Variants in FERRY3 observed in about 807,000 individuals in gnomAD.
FERRY3 encodes FERRY endosomal RAB5 effector complex subunit 3, also known as protein C12orf4.
the FERRY3 span, among the ~76,000 whole-genome samples, chr12:4,528,878 TG>T: frequency 6.7e-6 from 1 of 148,858 alleles, no homozygotes; most frequent in Non-Finnish European, 1.5e-5. Context: ...TTTACTCCTT[TG>T]GGACTATTAA....
the FERRY3 span, among the ~76,000 whole-genome samples, chr12:4,536,569 A>T: frequency 2.6e-5 from 4 of 152,230 alleles, no homozygotes; most frequent in Admixed American, 2.0e-4. Flanking sequence ...ACAAAGCTTA[A>T]GAAACCGTTG....
At chr12:4,505,618 G>C in the FERRY3 span, among the ~76,000 whole-genome samples, 1 of 152,190 alleles carries the variant, frequency 6.6e-6, no homozygotes, top group Non-Finnish European at 1.5e-5. Flanking sequence ...GGAGACAGAG[G>C]CTTGGATGGG....
the FERRY3 span, among the ~76,000 whole-genome samples, chr12:4,531,056 T>C: frequency 6.6e-6 from 1 of 152,326 alleles, no homozygotes; most frequent in South Asian, 2.1e-4. Flanking sequence ...AGTAATAATT[T>C]ACCTTAAAAC....
chr12:4,527,875 T>C, the FERRY3 span, among the ~76,000 whole-genome samples: 1 of 151,174 alleles, frequency 6.6e-6, no homozygotes, highest in Non-Finnish European at 1.5e-5. Context: ...AACAATAAAA[T>C]AAGTCAAAAC....
At chr12:4,509,592 T>C in the FERRY3 span, among the ~76,000 whole-genome samples, 2 of 146,898 alleles carry the variant, frequency 1.4e-5, no homozygotes, top group Non-Finnish European at 3.0e-5. Context: ...CCCTGACCCC[T>C]GACCCCCGAG....
At chr12:4,504,090 G>A in the FERRY3 span, among the ~76,000 whole-genome samples, 1 of 152,212 alleles carries the variant, frequency 6.6e-6, no homozygotes, top group East Asian at 1.9e-4. Flanking sequence ...TGGGATAACT[G>A]AAGGTGGGAG....
the FERRY3 span, among the ~76,000 whole-genome samples, chr12:4,529,555 T>C: frequency 2.6e-5 from 4 of 152,132 alleles, no homozygotes; most frequent in Non-Finnish European, 5.9e-5. Context: ...AGATAGGGCA[T>C]CCAAAGCAGT....
At chr12:4,501,110 A>T in the FERRY3 span, among the ~76,000 whole-genome samples, 2 of 152,162 alleles carry the variant, frequency 1.3e-5, no homozygotes, top group South Asian at 4.2e-4. Context: ...AATGCCTATC[A>T]CCCCATCCAC....
the FERRY3 span, among the ~76,000 whole-genome samples, chr12:4,491,823 ATTG>A: frequency 6.6e-6 from 1 of 152,208 alleles, no homozygotes; most frequent in Non-Finnish European, 1.5e-5. Flanking sequence ...AAACACCAGA[ATTG>A]TTTTTCCCTA....
chr12:4,533,103 C>G, the FERRY3 span, among the ~76,000 whole-genome samples: 1 of 152,156 alleles, frequency 6.6e-6, no homozygotes, highest in Non-Finnish European at 1.5e-5. Flanking sequence ...AGTTGAAACA[C>G]TCAGAAGAGA....
the FERRY3 span, chr12:4,525,484 T>G: frequency 6.2e-7 from 1 of 1,610,814 alleles, no homozygotes; most frequent in Non-Finnish European, 8.5e-7. Context: ...TTTCACTTAC[T>G]TGCTGGGATT....
the FERRY3 span, chr12:4,488,133 T>G: frequency 6.6e-6 from 1 of 152,200 alleles, no homozygotes; most frequent in African/African-American, 2.4e-5. The surrounding 1 kb of genome is among the most constrained non-coding windows in gnomAD (Gnocchi z 4.9). Context: ...AAACGGACAT[T>G]CGATAAATTT....
chr12:4,504,340 C>T, the FERRY3 span, among the ~76,000 whole-genome samples: 184 of 152,128 alleles, frequency 1.2e-3, no homozygotes, highest in African/African-American at 4.4e-3. Context: ...GTAAAATGTA[C>T]CATTTAGTTA....
At chr12:4,494,072 A>T in the FERRY3 span, among the ~76,000 whole-genome samples, 1 of 152,134 alleles carries the variant, frequency 6.6e-6, no homozygotes, top group African/African-American at 2.4e-5. Context: ...CAGCCTGGGT[A>T]ACAGAGCAGG....
chr12:4,522,563 G>T, the FERRY3 span, among the ~76,000 whole-genome samples: 1 of 152,348 alleles, frequency 6.6e-6, no homozygotes, highest in Admixed American at 6.5e-5. Context: ...TACATTGGTG[G>T]TGGGAACGCA....
the FERRY3 span, chr12:4,490,685 T>C: frequency 1.0e-6 from 1 of 966,298 alleles, no homozygotes; most frequent in Admixed American, 2.2e-5. Context: ...CTGTGGGGCT[T>C]CATGTCTTGA....
the FERRY3 span, among the ~76,000 whole-genome samples, chr12:4,521,688 G>A: frequency 8.5e-5 from 13 of 152,118 alleles, no homozygotes; most frequent in Admixed American, 1.3e-4. Flanking sequence ...AAATGAAGAC[G>A]TTGTAAGAAA....
chr12:4,537,786 A>G, the FERRY3 span, among the ~76,000 whole-genome samples: 1 of 152,212 alleles, frequency 6.6e-6, no homozygotes, highest in Non-Finnish European at 1.5e-5. Flanking sequence ...GAAAACTACC[A>G]AAACTACATA....
the FERRY3 span, among the ~76,000 whole-genome samples, chr12:4,510,540 A>T: frequency 6.8e-6 from 1 of 147,982 alleles, no homozygotes. Context: ...GACTAACAGC[A>T]GATCTCTCGG....
Sources: allele counts gnomAD v4.1 joint callset (sites outside exome capture counted in the v4.1 genomes callset), GRCh38; gene constraint gnomAD v4.1.1; non-coding constraint Gnocchi (gnomAD v3.1); transcripts MANE v1.5; gene names NCBI Gene and HGNC (gene_info 2026-07-23, HGNC 2026-07-21).